Variants in TNIP1 observed in about 807,000 individuals in gnomAD.
TNIP1 encodes TNFAIP3-interacting protein 1.
Under a neutral mutation model 86.6 loss-of-function variants are expected in TNIP1, and 22 were observed. The ratio of observed to expected loss-of-function variants is 0.25; its 90% CI spans 0.18 to 0.36. TNIP1 has a LOEUF of 0.36. TNIP1 is among the 10% of genes least tolerant of loss of function. TNIP1 has a pLI of 1.00. For missense variants in TNIP1, 709 were observed against 820.6 expected (o/e 0.86, Z 1.66); for synonymous variants, 294 against 313.0 (o/e 0.94, Z 0.64).
At chr5:151,045,622 C>T (rs1260848783) in intron 9 of TNIP1, among the ~76,000 whole-genome samples, 1 of 152,196 alleles carries the variant, frequency 6.6e-6, no homozygotes, top group Non-Finnish European at 1.5e-5. Flanking sequence ...CAATTTTAGG[C>T]CATGCCCCAC....
At chr5:151,036,963 G>A (rs754864508) in intron 12 of TNIP1, 42 bp from the exon 13 acceptor site, 6 of 1,548,340 alleles carry the variant, frequency 3.9e-6, no homozygotes, top group Non-Finnish European at 5.2e-6. Flanking sequence ...GGAACCCCTG[G>A]AAATCAGGGC....
rs746713152 is a variant in TNIP1, at chr5:151,049,819, C to T, written c.846+5G>A. ...ATGCTACAGAAGGAATTTCTGACCA[C>T]ATACCTGCTGCTGTCCAGCCACTGC... On this transcript the variant is annotated splice_donor_5th_base_variant and intron_variant, in intron 8 of 17. Coordinates refer to ENST00000521591, the MANE Select transcript of TNIP1 (RefSeq NM_006058.5). 6.2e-7 allele frequency: 1 copy of T among 1,614,168 alleles called. No individual in the cohort carries two copies. Among genetic ancestry groups the T allele is most frequent in the Admixed American group, 1.7e-5 (1 of 60,028 alleles).
intron 5 of TNIP1, among the ~76,000 whole-genome samples, chr5:151,059,860 TGTGTGTGCGCGCGCGCGC>T (rs1457030305): frequency 2.4e-4 from 23 of 97,326 alleles, no homozygotes; most frequent in African/African-American, 8.2e-4. Flanking sequence ...TGTGTGTGTG[TGTGTGTGCGCGCGCGCGC>T]GCGCATGCGT....
At chr5:151,049,764 T>C in intron 8 of TNIP1, 60 bp downstream of exon 8, 17 of 1,598,830 alleles carry the variant, frequency 1.1e-5, no homozygotes, top group Non-Finnish European at 1.5e-5. Context: ...CTGGAGGTGG[T>C]AAGCAGAGGC....
intron 1 of TNIP1, among the ~76,000 whole-genome samples, chr5:151,079,516 C>T (rs531157079): frequency 6.6e-6 from 1 of 151,858 alleles, no homozygotes; most frequent in East Asian, 1.9e-4. Flanking sequence ...CCCAGCTACT[C>T]GGGAGGCTGA....
At chr5:151,051,164 C>G (rs371692241) in intron 7 of TNIP1, among the ~76,000 whole-genome samples, 4 of 152,162 alleles carry the variant, frequency 2.6e-5, no homozygotes, top group Admixed American at 6.5e-5. Context: ...AAAAGTGCAT[C>G]CTTGGCCATC....
chr5:151,032,363 T>A lies in TNIP1; in HGVS notation c.1800A>T (p.Leu600=). 6.2e-7 allele frequency: 1 copy of A among 1,614,094 alleles called. No homozygotes were observed. The part of the protein sequence containing the change: ...LFHLPEYTWR[L]PCGGVRNPNQ... Reference sequence around the variant, plus strand: ...TTGGATTTCGAACCCCTCCACAGGGTAGACGCCAGGTGTATTCCGGCTGCG... The same window carrying A: ...TTGGATTTCGAACCCCTCCACAGGGAAGACGCCAGGTGTATTCCGGCTGCG... The change falls in exon 17 of 18, where the codon CTA becomes CTT. Residue 600 remains leucine (L), a synonymous_variant. Transcript: ENST00000521591.
At position 151,077,444 on chromosome 5, in the gene TNIP1, C is replaced by T. The variant is rs374845000; in HGVS notation, c.-37+3436G>A. Among the ~76,000 whole-genome samples, 62 of 152,346 alleles carry T rather than the reference C, an allele frequency of 4.1e-4. 1 individual carries two copies. Among genetic ancestry groups the T allele is most frequent in the South Asian group, 2.1e-4 (1 of 4,826 alleles). ...GCATCATTAACGATAATAGCAGCGACCCTGTACCAAGCGCTTACCACACTG... is the reference window on the plus strand; with the variant it reads ...GCATCATTAACGATAATAGCAGCGATCCTGTACCAAGCGCTTACCACACTG... On this transcript the variant is annotated intron_variant, in intron 1 of 17. Coordinates refer to ENST00000521591, the MANE Select transcript of TNIP1 (RefSeq NM_006058.5).
chr5:151,067,538 T>C (rs1397525591), intron 1 of TNIP1, among the ~76,000 whole-genome samples: 2 of 152,172 alleles, frequency 1.3e-5, no homozygotes, highest in Non-Finnish European at 2.9e-5. Flanking sequence ...AAGGCAGCAG[T>C]GTCCTGGTTC....
intron 13 of TNIP1, among the ~76,000 whole-genome samples, chr5:151,036,166 T>A (rs545205316): frequency 6.6e-6 from 1 of 152,258 alleles, no homozygotes; most frequent in East Asian, 1.9e-4. Flanking sequence ...TAGTTTCACA[T>A]CCTTAGTGCA....
intron 1 of TNIP1, among the ~76,000 whole-genome samples, chr5:151,071,315 C>T (rs1403223950): frequency 6.6e-6 from 1 of 152,194 alleles, no homozygotes; most frequent in East Asian, 1.9e-4. Context: ...GACACAGAGT[C>T]TCATATAGTA....
At chr5:151,037,770 GAGAT>G (rs1250993946) in intron 12 of TNIP1, among the ~76,000 whole-genome samples, 3 of 152,152 alleles carry the variant, frequency 2.0e-5, no homozygotes, top group Non-Finnish European at 4.4e-5. Context: ...GGACCGAGGG[GAGAT>G]AGAGACCTGG....
chr5:151,054,762 G>C (rs979351866), intron 6 of TNIP1, among the ~76,000 whole-genome samples: 1 of 152,184 alleles, frequency 6.6e-6, no homozygotes, highest in African/African-American at 2.4e-5. Context: ...TGCTATACCT[G>C]ACCTTGAATA....
chr5:151,040,121 A>G (rs115608791), intron 11 of TNIP1, among the ~76,000 whole-genome samples: 3 of 152,228 alleles, frequency 2.0e-5, no homozygotes, highest in South Asian at 4.1e-4. Context: ...AGGGGATGGC[A>G]GCACAGTGCA....
In TNIP1 at chr5:151,080,960, C is replaced by T. The variant is rs1763964059; in HGVS notation, c.-117G>A. 6.6e-6 allele frequency: 1 copy of T among 152,152 alleles called. No homozygotes were observed. Among genetic ancestry groups the T allele is most frequent in the Non-Finnish European group, 1.5e-5 (1 of 68,024 alleles). 9.4% of individuals were successfully genotyped at this position (152,152 alleles called of 1,614,324 possible). On this transcript the variant is annotated 5_prime_UTR_variant, in exon 1 of 18. Transcript: ENST00000521591. ...TCCAGGGACGGGGCAGCGGCCCGGGCAAGGCTCCGGCCCCCCGTAGCACTC... is the reference window on the plus strand; with the variant it reads ...TCCAGGGACGGGGCAGCGGCCCGGGTAAGGCTCCGGCCCCCCGTAGCACTC...
intron 1 of TNIP1, among the ~76,000 whole-genome samples, chr5:151,075,130 C>T (rs1413356186): frequency 1.3e-5 from 2 of 151,196 alleles, no homozygotes; most frequent in African/African-American, 4.9e-5. Flanking sequence ...GGGATGCACA[C>T]ATTAAAAAAA....
At chr5:151,031,882 C>G (rs531013486) in intron 17 of TNIP1, among the ~76,000 whole-genome samples, 10 of 152,340 alleles carry the variant, frequency 6.6e-5, no homozygotes, top group African/African-American at 2.2e-4. Context: ...ATGCTGCCCC[C>G]CCGGTCTAGG....
At chr5:151,081,206 C>T (rs1159003742), upstream of TNIP1, 1 of 152,206 alleles carries the variant, frequency 6.6e-6, no homozygotes, top group Non-Finnish European at 1.5e-5. Flanking sequence ...TCTCTCGTCC[C>T]TTCGGCGGCC....
chr5:151,049,668 G>A (rs964816382), intron 8 of TNIP1, among the ~76,000 whole-genome samples, 156 bp downstream of exon 8: 1 of 152,014 alleles, frequency 6.6e-6, no homozygotes, highest in Non-Finnish European at 1.5e-5. Flanking sequence ...AAGCATGGAG[G>A]TCAGGCCAAG....
Sources: allele counts gnomAD v4.1 joint callset (sites outside exome capture counted in the v4.1 genomes callset), GRCh38; gene constraint gnomAD v4.1.1; transcripts MANE v1.5; gene names NCBI Gene and HGNC (gene_info 2026-07-23, HGNC 2026-07-21).